Variants in STARD13 observed in about 807,000 individuals in gnomAD.
The protein encoded by STARD13 is StAR related lipid transfer domain containing 13.
In STARD13, 62 loss-of-function variants were observed where a neutral mutation model predicts 106.4. The ratio of observed to expected loss-of-function variants is 0.58; its 90% CI spans 0.48 to 0.72. The LOEUF (loss-of-function observed/expected upper bound fraction) is 0.72, where lower values mean the gene tolerates loss of function less well. STARD13 is among the 30% of genes least tolerant of loss of function. The pLI, the probability that STARD13 is intolerant of heterozygous loss-of-function variation, is 0.00. For missense variants in STARD13, 1,387 were observed against 1,424.0 expected, an observed-to-expected ratio of 0.97 and a Z score of 0.42; for synonymous variants, 565 against 553.0, an observed-to-expected ratio of 1.02 and a Z score of -0.31.
chr13:33,344,792 T>C (rs1759789876), downstream of STARD13, among the ~76,000 whole-genome samples: 1 of 152,220 alleles, frequency 6.6e-6, no homozygotes, highest in Admixed American at 6.5e-5. Flanking sequence ...AGACATCAAT[T>C]AGCTCACAGG....
At chr13:33,228,602 T>C (rs1481309271) in intron 1 of STARD13, among the ~76,000 whole-genome samples, 4 of 152,230 alleles carry the variant, frequency 2.6e-5, no homozygotes, top group African/African-American at 9.6e-5. Context: ...AGTATCCCTA[T>C]CTTCCTTGCT....
chr13:33,457,595 G>A, the STARD13 span, among the ~76,000 whole-genome samples: 1 of 152,190 alleles, frequency 6.6e-6, no homozygotes, highest in Non-Finnish European at 1.5e-5. Flanking sequence ...CATAGACTGG[G>A]TGGCTCATAA....
chr13:33,513,820 C>T, the STARD13 span, among the ~76,000 whole-genome samples: 1 of 152,124 alleles, frequency 6.6e-6, no homozygotes, highest in Non-Finnish European at 1.5e-5. Flanking sequence ...AATAGCAACA[C>T]AGTGCTATGC....
At chr13:33,492,670 G>A in the STARD13 span, among the ~76,000 whole-genome samples, 4 of 152,158 alleles carry the variant, frequency 2.6e-5, no homozygotes, top group Admixed American at 2.6e-4. Flanking sequence ...ATCTAAAAAG[G>A]GGAAGTATGA....
At chr13:33,196,555 C>A (rs530782539) in intron 1 of STARD13, among the ~76,000 whole-genome samples, 2 of 152,302 alleles carry the variant, frequency 1.3e-5, no homozygotes, top group Non-Finnish European at 2.9e-5. Flanking sequence ...TTGACCCCAG[C>A]AATCTTACCT....
chr13:33,356,033 A>G, the STARD13 span, among the ~76,000 whole-genome samples: 1 of 152,218 alleles, frequency 6.6e-6, no homozygotes, highest in Admixed American at 6.5e-5. Context: ...TTCAGGCTCA[A>G]TGTCATATCA....
chr13:33,546,791 G>C, the STARD13 span, among the ~76,000 whole-genome samples: 1 of 152,024 alleles, frequency 6.6e-6, no homozygotes, highest in South Asian at 2.1e-4. Flanking sequence ...TTACAGGCAA[G>C]ATTAATGTTT....
chr13:33,496,770 G>GT, the STARD13 span, among the ~76,000 whole-genome samples: 195 of 152,004 alleles, frequency 1.3e-3, no homozygotes, highest in African/African-American at 3.8e-3. Flanking sequence ...ATTCATTGCT[G>GT]TTTTTTTAAA....
the STARD13 span, among the ~76,000 whole-genome samples, chr13:33,659,085 G>A: frequency 6.6e-6 from 1 of 151,980 alleles, no homozygotes; most frequent in South Asian, 2.1e-4. Flanking sequence ...AATATCCTTT[G>A]TAATAAACTG....
intron 9 of STARD13, 130 bp downstream of exon 9, chr13:33,112,591 T>G (rs895191141): frequency 2.6e-5 from 19 of 737,706 alleles, no homozygotes; most frequent in Non-Finnish European, 4.2e-5. Flanking sequence ...TCTACCTACC[T>G]ATCTATCTAT....
At chr13:33,584,288 G>A in the STARD13 span, among the ~76,000 whole-genome samples, 1 of 152,198 alleles carries the variant, frequency 6.6e-6, no homozygotes. Flanking sequence ...GAAGCCTGAT[G>A]CTGGAATCTA....
the STARD13 span, among the ~76,000 whole-genome samples, chr13:33,612,408 T>C: frequency 6.6e-6 from 1 of 152,184 alleles, no homozygotes; most frequent in Non-Finnish European, 1.5e-5. Flanking sequence ...CCTGTGTGTG[T>C]GTGCCTTTGT....
intron 1 of STARD13, chr13:33,188,170 T>G (rs1885945267): frequency 6.6e-6 from 1 of 152,212 alleles, no homozygotes; most frequent in South Asian, 2.1e-4. Context: ...CAGCAGATGT[T>G]CCAGTGCCCA....
At chr13:33,191,583 A>G (rs1886260973) in intron 1 of STARD13, among the ~76,000 whole-genome samples, 1 of 152,258 alleles carries the variant, frequency 6.6e-6, no homozygotes. Flanking sequence ...AACTGAATCC[A>G]GAAAAATCCA....
At chr13:33,375,383 A>G in the STARD13 span, among the ~76,000 whole-genome samples, 1 of 152,148 alleles carries the variant, frequency 6.6e-6, no homozygotes, top group African/African-American at 2.4e-5. Flanking sequence ...ATTAGGGTAA[A>G]CATTCAATCA....
At chr13:33,359,948 T>C in the STARD13 span, among the ~76,000 whole-genome samples, 1 of 152,236 alleles carries the variant, frequency 6.6e-6, no homozygotes, top group Non-Finnish European at 1.5e-5. Flanking sequence ...TCTGGTTATC[T>C]AAAATGATTT....
the STARD13 span, among the ~76,000 whole-genome samples, chr13:33,500,251 T>C: frequency 2.6e-5 from 4 of 152,180 alleles, no homozygotes; most frequent in Admixed American, 6.5e-5. Context: ...AAGTAAGGAC[T>C]AGAACCTAGG....
chr13:33,471,633 GTTT>G, the STARD13 span, among the ~76,000 whole-genome samples: 2 of 124,474 alleles, frequency 1.6e-5, no homozygotes, highest in African/African-American at 2.8e-5. Flanking sequence ...TTGGCCCCCT[GTTT>G]TTTTTTTTTT....
intron 1 of STARD13, among the ~76,000 whole-genome samples, chr13:33,210,757 G>A (rs1214540774): frequency 6.6e-6 from 1 of 152,200 alleles, no homozygotes; most frequent in African/African-American, 2.4e-5. Context: ...GCGATATTGT[G>A]TGTTATTTAA....
Sources: allele counts gnomAD v4.1 joint callset (sites outside exome capture counted in the v4.1 genomes callset), GRCh38; gene constraint gnomAD v4.1.1; transcripts MANE v1.5; gene names NCBI Gene and HGNC (gene_info 2026-07-23, HGNC 2026-07-21).